NRXN3: variants seen among roughly 807,000 people sequenced by gnomAD.
NRXN3 encodes neurexin III.
In NRXN3, 32 loss-of-function variants were observed where a neutral mutation model predicts 137.6. That is an observed-to-expected ratio of 0.23 (90% CI 0.18 to 0.31). The LOEUF (loss-of-function observed/expected upper bound fraction) is 0.31. NRXN3 is among the 10% of genes least tolerant of loss of function. The pLI, the probability that NRXN3 is intolerant of heterozygous loss-of-function variation, is 1.00. For missense variants in NRXN3, 1,574 were observed against 2,062.5 expected, an observed-to-expected ratio of 0.76 and a Z score of 4.59; for synonymous variants, 798 against 784.5, an observed-to-expected ratio of 1.02 and a Z score of -0.29.
At chr14:79,070,571 G>C (rs926875389) in intron 15 of NRXN3, among the ~76,000 whole-genome samples, 1 of 152,138 alleles carries the variant, frequency 6.6e-6, no homozygotes, top group Non-Finnish European at 1.5e-5. Context: ...CTCCCTGTGT[G>C]TGTTTGACTA....
intron 15 of NRXN3, among the ~76,000 whole-genome samples, chr14:79,353,470 T>C (rs2093306735): frequency 6.6e-6 from 1 of 152,170 alleles, no homozygotes; most frequent in Non-Finnish European, 1.5e-5. Flanking sequence ...CAGTAAACTT[T>C]GTTTGCTTTT....
At chr14:78,775,488 C>G (rs531209363) in intron 8 of NRXN3, among the ~76,000 whole-genome samples, 1 of 152,132 alleles carries the variant, frequency 6.6e-6, no homozygotes, top group Non-Finnish European at 1.5e-5. Flanking sequence ...TTTTGCCCAT[C>G]AACTATCATT....
rs1567235864 is a variant in NRXN3, at chr14:78,314,980, TTC to T, written c.757+17121_757+17122del. ...CTTCCTTCCTTCCTTCCTTCCTTCC[TTC>T]CTTCCTTTCTCTTTCTTTCTTTCTT... is the stretch of plus-strand genomic sequence containing the variant. On this transcript the variant is annotated intron_variant, in intron 4 of 20. Coordinates refer to ENST00000335750, the MANE Select transcript of NRXN3 (RefSeq NM_001330195.2). Among the ~76,000 whole-genome samples the T allele has an allele frequency of 2.5e-3, 238 of 94,202 alleles. 1 individual carries two copies. Among genetic ancestry groups the T allele is most frequent in the African/African-American group, 0.013 (236 of 18,696 alleles). The allele number at this position is 94,202 out of a possible 152,430, so 61.8% of individuals were successfully genotyped here.
At chr14:79,643,159 G>T (rs529847165) in intron 16 of NRXN3, among the ~76,000 whole-genome samples, 2 of 136,190 alleles carry the variant, frequency 1.5e-5, no homozygotes, top group African/African-American at 4.9e-5. Flanking sequence ...AGACCACAAA[G>T]ATGCCACTTT....
At chr14:78,277,023 T>C (rs1195427215) in intron 2 of NRXN3, among the ~76,000 whole-genome samples, 2 of 152,092 alleles carry the variant, frequency 1.3e-5, no homozygotes, top group East Asian at 3.9e-4. Flanking sequence ...GAAGGGGCGG[T>C]GTGGCTGAGG....
At chr14:79,271,909 G>A (rs1213229103) in intron 15 of NRXN3, among the ~76,000 whole-genome samples, 1 of 152,160 alleles carries the variant, frequency 6.6e-6, no homozygotes, top group East Asian at 1.9e-4. Context: ...ACTATTCTAT[G>A]AGGTAGAGAT....
At chr14:79,765,081 A>G (rs567009069) in intron 19 of NRXN3, among the ~76,000 whole-genome samples, 1 of 152,308 alleles carries the variant, frequency 6.6e-6, no homozygotes, top group Non-Finnish European at 1.5e-5. Context: ...AAGTCATTTC[A>G]GACAAATGGT....
intron 2 of NRXN3, among the ~76,000 whole-genome samples, chr14:78,245,016 G>T (rs141250259): frequency 1.3e-5 from 2 of 152,180 alleles, no homozygotes; most frequent in African/African-American, 4.8e-5. Flanking sequence ...ACTTACTCAC[G>T]GCTTAGATTT....
chr14:79,381,876 T>A (rs926063242), intron 15 of NRXN3, among the ~76,000 whole-genome samples: 3 of 152,188 alleles, frequency 2.0e-5, no homozygotes, highest in African/African-American at 4.8e-5. Flanking sequence ...CACATTTCAC[T>A]TCCATATATA....
chr14:78,343,725 G>T (rs1409729110), intron 4 of NRXN3, among the ~76,000 whole-genome samples: 6 of 152,214 alleles, frequency 3.9e-5, no homozygotes, highest in Admixed American at 1.3e-4. Context: ...GCAGGCAGCT[G>T]CCAGCACAAA....
chr14:78,950,436 C>G (rs1444194642), intron 10 of NRXN3, among the ~76,000 whole-genome samples: 1 of 152,166 alleles, frequency 6.6e-6, no homozygotes, highest in Non-Finnish European at 1.5e-5. Flanking sequence ...GCTCCATTCT[C>G]TCAGCCAAGA....
chr14:78,910,139 C>T lies in NRXN3; in HGVS notation c.2276-47103C>T, dbSNP rs74547100. On this transcript the variant is annotated intron_variant, in intron 10 of 20. Coordinates refer to ENST00000335750, the MANE Select transcript of NRXN3 (RefSeq NM_001330195.2). ...ATCCAAAGTAAACCCACTGTTCTTG[C>T]TGTAGGAGAGAGTTCACTGGGCCTT... Among the ~76,000 whole-genome samples the T allele has an allele frequency of 4.4e-4, 67 of 152,168 alleles. No homozygotes were observed. The East Asian group carries it at 0.012, about 26-fold the overall frequency.
intron 15 of NRXN3, among the ~76,000 whole-genome samples, chr14:79,365,136 T>C (rs1448275659): frequency 6.6e-6 from 1 of 152,170 alleles, no homozygotes; most frequent in Non-Finnish European, 1.5e-5. Context: ...GTTTAGTTTG[T>C]GGGTTCCTTC....
intron 19 of NRXN3, among the ~76,000 whole-genome samples, chr14:79,721,057 GATCT>G (rs2098842763): frequency 6.6e-6 from 1 of 152,066 alleles, no homozygotes; most frequent in African/African-American, 2.4e-5. Flanking sequence ...ATACCAATGT[GATCT>G]ATCTCTCTAA....
chr14:79,629,863 C>T (rs980292019), intron 16 of NRXN3, among the ~76,000 whole-genome samples: 26 of 151,346 alleles, frequency 1.7e-4, no homozygotes, highest in Non-Finnish European at 1.6e-4. Flanking sequence ...GTGTTATGCA[C>T]AGTGGCTTGA....
intron 16 of NRXN3, among the ~76,000 whole-genome samples, chr14:79,602,086 C>T (rs80298176): frequency 0.058 from 8,756 of 152,240 alleles, 258 homozygotes; most frequent in East Asian, 0.081. Context: ...ATACAACATA[C>T]CTGTAAGATA....
intron 4 of NRXN3, among the ~76,000 whole-genome samples, chr14:78,584,136 A>G (rs2097034123): frequency 6.6e-6 from 1 of 152,080 alleles, no homozygotes; most frequent in South Asian, 2.1e-4. Flanking sequence ...TCACTAAACC[A>G]TGTCACCTCT....
At chr14:79,060,535 T>C (rs2099672904) in intron 15 of NRXN3, among the ~76,000 whole-genome samples, 1 of 152,194 alleles carries the variant, frequency 6.6e-6, no homozygotes, top group Non-Finnish European at 1.5e-5. Flanking sequence ...GTAGTTCAAA[T>C]ACTCTAGTTT....
At chr14:79,245,133 G>A (rs2074962495) in intron 15 of NRXN3, among the ~76,000 whole-genome samples, 1 of 152,078 alleles carries the variant, frequency 6.6e-6, no homozygotes, top group South Asian at 2.1e-4. Context: ...CCATCTCACA[G>A]GGTTCCTAAT....
Sources: allele counts gnomAD v4.1 joint callset (sites outside exome capture counted in the v4.1 genomes callset), GRCh38; gene constraint gnomAD v4.1.1; transcripts MANE v1.5; gene names NCBI Gene and HGNC (gene_info 2026-07-23, HGNC 2026-07-21).